Variants in PIK3R4 observed in about 807,000 individuals in gnomAD.
PIK3R4 encodes the protein phosphoinositide 3-kinase regulatory subunit 4.
In PIK3R4, 46 loss-of-function variants were observed where a neutral mutation model predicts 136.5. The ratio of observed to expected loss-of-function variants is 0.34; its 90% CI spans 0.27 to 0.43. PIK3R4 has a LOEUF of 0.43. PIK3R4 is among the 20% of genes least tolerant of loss of function. The pLI is 1.00. For missense variants in PIK3R4, 1,331 were observed against 1,649.5 expected, an observed-to-expected ratio of 0.81 and a Z score of 3.35; for synonymous variants, 557 against 566.7, an observed-to-expected ratio of 0.98 and a Z score of 0.24.
chr3:130,738,783 G>A (rs980826324), intron 2 of PIK3R4, among the ~76,000 whole-genome samples: 42 of 150,748 alleles, frequency 2.8e-4, no homozygotes, highest in African/African-American at 9.5e-4. Flanking sequence ...GACAACTGGT[G>A]CACCAATATA....
chr3:130,720,255 G>A (rs2066691845), intron 7 of PIK3R4, among the ~76,000 whole-genome samples: 1 of 152,012 alleles, frequency 6.6e-6, no homozygotes, highest in South Asian at 2.1e-4. Context: ...GAGTGCAATG[G>A]CACGATCTCG....
intron 13 of PIK3R4, 39 bp from the exon 14 acceptor site, chr3:130,690,693 G>A (rs1420358019): frequency 1.1e-5 from 14 of 1,304,530 alleles, no homozygotes; most frequent in Non-Finnish European, 1.5e-5. Context: ...ATGAACCAAT[G>A]TCACTGCTAA....
intron 14 of PIK3R4, among the ~76,000 whole-genome samples, chr3:130,688,124 A>T (rs2066498802): frequency 6.6e-6 from 1 of 152,196 alleles, no homozygotes; most frequent in East Asian, 1.9e-4. Context: ...CCATACTGAT[A>T]ATCTCCAACT....
At chr3:130,725,578 A>G (rs1396541413) in intron 6 of PIK3R4, among the ~76,000 whole-genome samples, 2 of 138,854 alleles carry the variant, frequency 1.4e-5, no homozygotes, top group Non-Finnish European at 3.2e-5. Context: ...CTTTACATAC[A>G]AAAGTAGAAA....
rs1167741848 is a variant in PIK3R4, at chr3:130,733,979, T to C, written c.1019A>G (p.Asp340Gly). 1 of 1,614,026 alleles carries C rather than the reference T, an allele frequency of 6.2e-7. No homozygotes were observed. The highest frequency in any genetic ancestry group is 8.5e-7 in the Non-Finnish European group (1 of 1,180,008). The change falls in exon 4 of 20, where the codon GAT becomes GGT. Residue 340 changes from aspartate to glycine, a missense_variant. Physicochemically the swap from Asp to Gly is moderately conservative, Grantham distance 94. Transcript: ENST00000356763. ...CTTCCGTATAACCAGAATACGCTCA[T>C]CTGCAGAAAGAAACGTTTCCTTGGC... ...QFAKETFLSA[D>G]ERILVIRKDL...
In PIK3R4 at chr3:130,730,230, T is replaced by A. The variant is rs1419075732; in HGVS notation, c.1585+78A>T. 3 of 1,216,542 alleles carry A rather than the reference T, an allele frequency of 2.5e-6. No homozygotes were observed. The African/African-American group carries it at 4.6e-5, about 19-fold the overall frequency. 75.4% of individuals were successfully genotyped at this position (1,216,542 alleles called of 1,614,324 possible). A position where few individuals can be genotyped will look rare whatever the true frequency, so the allele number is the denominator to read the frequency against. ...GTATTCCTTCACCTTACATGAAAAC[T>A]ACAAATGATAGTTTTACAAGTTAGC... On this transcript the variant is annotated intron_variant, in intron 5 of 19. Coordinates refer to ENST00000356763, the MANE Select transcript of PIK3R4 (RefSeq NM_014602.3).
Position 130,731,093 on chromosome 3 carries a change from A to G in PIK3R4, c.1451-651T>C, listed in dbSNP as rs1344096379. ...CAAAGACTGTCTGATATTCCTCACC[A>G]CTACAAAATAACTACTTCTAATTTC... On this transcript the variant is annotated intron_variant, in intron 4 of 19. Transcript: ENST00000356763. Among the ~76,000 whole-genome samples the G allele has an allele frequency of 1.3e-5, 2 of 152,142 alleles. 1 individual carries two copies. Among genetic ancestry groups the G allele is most frequent in the Non-Finnish European group, 2.9e-5 (2 of 68,026 alleles).
chr3:130,699,933 A>C (rs1156390843), intron 13 of PIK3R4, among the ~76,000 whole-genome samples: 2 of 152,114 alleles, frequency 1.3e-5, no homozygotes, highest in African/African-American at 4.8e-5. Context: ...TTGTAAAAAA[A>C]CCTCCAGGAA....
chr3:130,688,058 C>T (rs975449810), intron 14 of PIK3R4, among the ~76,000 whole-genome samples: 10 of 152,120 alleles, frequency 6.6e-5, no homozygotes, highest in African/African-American at 7.2e-5. Flanking sequence ...TGCATCTGTT[C>T]GTGTGTTTGT....
Position 130,684,315 on chromosome 3 carries a change from T to C in PIK3R4, c.3542A>G (p.His1181Arg). Residue 1181 changes from histidine (H) to arginine (R), a missense_variant, in exon 16 of 20, where the codon CAT becomes CGT. Coordinates refer to ENST00000356763, the MANE Select transcript of PIK3R4 (RefSeq NM_014602.3). ...GCGTCTGATTCGAGCCCTGGAAGGA[T>C]GACAGTGACTTGAAATTGGCAACTG... is the stretch of plus-strand genomic sequence containing the variant. ...RFQLPISSHC[H>R]PSRARIRRLS... 1 of 1,613,160 alleles carries C rather than the reference T, an allele frequency of 6.2e-7. No individual in the cohort carries two copies. The highest frequency in any genetic ancestry group is 8.5e-7 in the Non-Finnish European group (1 of 1,179,268).
chr3:130,731,712 G>C (rs1376601223), intron 4 of PIK3R4, among the ~76,000 whole-genome samples: 1 of 152,126 alleles, frequency 6.6e-6, no homozygotes, highest in East Asian at 1.9e-4. Context: ...ATCTGTACCA[G>C]CATCTATGAT....
At chr3:130,739,529 G>A (rs764981324) in intron 2 of PIK3R4, among the ~76,000 whole-genome samples, 5 of 151,822 alleles carry the variant, frequency 3.3e-5, no homozygotes, top group Admixed American at 2.0e-4. Flanking sequence ...ACACCACCAC[G>A]CCCAACTAAT....
chr3:130,703,014 C>A (rs2066583381), intron 13 of PIK3R4, among the ~76,000 whole-genome samples: 1 of 152,200 alleles, frequency 6.6e-6, no homozygotes, highest in South Asian at 2.1e-4. Flanking sequence ...GCGACCAGCT[C>A]TTGCCTGATT....
intron 15 of PIK3R4, 53 bp downstream of exon 15, chr3:130,686,158 T>C: frequency 1.9e-6 from 2 of 1,056,042 alleles, no homozygotes; most frequent in Middle Eastern, 2.1e-4. Context: ...AGACAGCAAT[T>C]GCAGGCATTA....
chr3:130,703,708 C>G lies in PIK3R4; in HGVS notation c.3098+15G>C, dbSNP rs1478440010. On this transcript the variant is annotated intron_variant, in intron 13 of 19. Coordinates refer to ENST00000356763, the MANE Select transcript of PIK3R4 (RefSeq NM_014602.3). ...TTTGAATTAATGAACTGATTCATTC[C>G]TGAGCATATGGTACCTGGTAGTGGT... 6.3e-7 allele frequency: 1 copy of G among 1,584,302 alleles called. No homozygotes were observed. The highest frequency in any genetic ancestry group is 2.2e-5 in the East Asian group (1 of 44,642).
Position 130,716,482 on chromosome 3 carries a change from G to A in PIK3R4, c.2245C>T (p.Gln749Ter). 1 of 1,614,008 alleles carries A rather than the reference G, an allele frequency of 6.2e-7. No homozygotes were observed. Among genetic ancestry groups the A allele is most frequent in the Non-Finnish European group, 8.5e-7 (1 of 1,179,884 alleles). The change falls in exon 9 of 20, where the codon CAG (glutamine) becomes TAG (stop). Residue 749 changes from glutamine (Q) to a stop codon, truncating the protein, a stop_gained. Transcript: ENST00000356763. LOFTEE classifies it high-confidence loss of function. ...GGAAGAGAACCATTTCGTTTCTTCTGACGCATGTGAAGATGTCTGAACAAG... is the reference window on the plus strand; with the variant it reads ...GGAAGAGAACCATTTCGTTTCTTCTAACGCATGTGAAGATGTCTGAACAAG... ...TSLFRHLHMR[Q>*]KKRNGSLPDC...
In PIK3R4 at chr3:130,742,548, C is replaced by A. The variant is rs188502222; in HGVS notation, c.733+1938G>T. 5.3e-5 allele frequency among the ~76,000 whole-genome samples: 8 copies of A among 152,276 alleles called. No homozygotes were observed. In the East Asian group the frequency reaches 1.5e-3, roughly 29 times the overall value. On this transcript the variant is annotated intron_variant, in intron 2 of 19. Coordinates refer to ENST00000356763, the MANE Select transcript of PIK3R4 (RefSeq NM_014602.3). ...AACCTTGTTATACTGTATTTACAAC[C>A]TTGAGGCTAACCCTATCTTATCAAA...
chr3:130,690,337 T>TATTC (rs763692538), intron 14 of PIK3R4, among the ~76,000 whole-genome samples, 153 bp downstream of exon 14: 1 of 151,996 alleles, frequency 6.6e-6, no homozygotes, highest in Non-Finnish European at 1.5e-5. Flanking sequence ...TTTAAAATTT[T>TATTC]ATTTATTTAT....
At chr3:130,723,245 A>G (rs1023114131) in intron 7 of PIK3R4, among the ~76,000 whole-genome samples, 169 bp downstream of exon 7, 1 of 151,926 alleles carries the variant, frequency 6.6e-6, no homozygotes, top group African/African-American at 2.4e-5. Context: ...TCTCTCACAT[A>G]CATATAAGCA....
Sources: gnomAD v4.1 joint callset for allele counts (sites outside exome capture counted in the v4.1 genomes callset) on GRCh38, gnomAD v4.1.1 for gene constraint, MANE v1.5 for transcripts, NCBI Gene and HGNC (gene_info 2026-07-23, HGNC 2026-07-21) for gene names.